STK32C: variants seen among roughly 807,000 people sequenced by gnomAD.
STK32C encodes serine/threonine kinase 32C.
A neutral mutation model predicts 56.5 loss-of-function variants in STK32C; 31 were observed. The ratio of observed to expected loss-of-function variants is 0.55; its 90% CI spans 0.41 to 0.74. The LOEUF is 0.74. Among genes scored for constraint, STK32C ranks in the 30% least tolerant of loss-of-function variants. The pLI, the probability that STK32C is intolerant of heterozygous loss-of-function variation, is 0.00. For synonymous variants in STK32C, 309 were observed against 289.4 expected (o/e 1.07, Z -0.69); for missense variants, 544 against 676.9 (o/e 0.80, Z 2.18).
At chr10:132,258,857 C>T (rs2138050739) in intron 1 of STK32C, among the ~76,000 whole-genome samples, 1 of 152,382 alleles carries the variant, frequency 6.6e-6, no homozygotes, top group African/African-American at 2.4e-5. Context: ...CAGGGCATGG[C>T]CTCTTCCACA....
chr10:132,242,652 C>T (rs961839177), intron 2 of STK32C, among the ~76,000 whole-genome samples: 4 of 152,178 alleles, frequency 2.6e-5, no homozygotes, highest in Non-Finnish European at 2.9e-5. Flanking sequence ...GCCCCCCATG[C>T]GGCCCCCCGC....
chr10:132,287,067 A>G (rs1399242993), intron 1 of STK32C, among the ~76,000 whole-genome samples: 1 of 152,258 alleles, frequency 6.6e-6, no homozygotes, highest in African/African-American at 2.4e-5. Flanking sequence ...TTTAAAAAAC[A>G]TAAAATATGT....
chr10:132,290,661 A>C (rs1249383117), intron 1 of STK32C, among the ~76,000 whole-genome samples: 1 of 152,232 alleles, frequency 6.6e-6, no homozygotes. Flanking sequence ...GCCAGTGTCC[A>C]GCATGCTGTG....
At chr10:132,291,126 A>G (rs1207641731) in intron 1 of STK32C, among the ~76,000 whole-genome samples, 1 of 152,262 alleles carries the variant, frequency 6.6e-6, no homozygotes, top group Non-Finnish European at 1.5e-5. Flanking sequence ...AAACCACCGG[A>G]GGGCAAATGT....
intron 1 of STK32C, among the ~76,000 whole-genome samples, chr10:132,304,518 C>G (rs571662218): frequency 6.6e-6 from 1 of 152,280 alleles, no homozygotes; most frequent in East Asian, 1.9e-4. Flanking sequence ...AAGCACCTTA[C>G]GGCAAATTGG....
intron 2 of STK32C, among the ~76,000 whole-genome samples, chr10:132,243,815 C>T (rs980868121): frequency 3.9e-5 from 6 of 152,162 alleles, no homozygotes; most frequent in South Asian, 2.1e-4. Flanking sequence ...CTAAATGCTG[C>T]GCCGCCCTGA....
Position 132,225,541 on chromosome 10 carries a change from G to C in STK32C, c.758C>G (p.Thr253Ser). 6.2e-7 allele frequency: 1 copy of C among 1,613,866 alleles called. No individual in the cohort carries two copies. The highest frequency in any genetic ancestry group is 8.5e-7 in the Non-Finnish European group (1 of 1,180,022). ...DGERATALAG[T>S]KPYMAPEIFH... Reference sequence around the variant, plus strand: ...CTCGGGCTCACCCATGTACGGCTTGGTGCCTGCTAATGCCGTCGCCCGCTC... The same window carrying C: ...CTCGGGCTCACCCATGTACGGCTTGCTGCCTGCTAATGCCGTCGCCCGCTC... Residue 253 changes from threonine (T) to serine (S), a missense_variant, in exon 6 of 12, where the codon ACC (threonine) becomes AGC (serine). Physicochemically the swap from Thr to Ser is moderately conservative, Grantham distance 58. Transcript: ENST00000298630.
chr10:132,283,343 C>T (rs932261420), intron 1 of STK32C, among the ~76,000 whole-genome samples: 4 of 152,238 alleles, frequency 2.6e-5, no homozygotes, highest in African/African-American at 9.6e-5. Flanking sequence ...GAAATCTGAG[C>T]GGAGCAAACA....
At chr10:132,310,994 C>T (rs1417779153), upstream of STK32C, among the ~76,000 whole-genome samples, 1 of 152,148 alleles carries the variant, frequency 6.6e-6, no homozygotes, top group Non-Finnish European at 1.5e-5. This position sits in a 1 kb window ranked among gnomAD's most constrained non-coding sequence, Gnocchi z 4.6. Context: ...AAGTGAGTGG[C>T]CGTGGCATGT....
chr10:132,287,045 T>C (rs1360253173), intron 1 of STK32C, among the ~76,000 whole-genome samples: 1 of 152,194 alleles, frequency 6.6e-6, no homozygotes, highest in Non-Finnish European at 1.5e-5. Flanking sequence ...ATATAAGCAA[T>C]AGATTTCATT....
chr10:132,208,497 C>G (rs1440155283), intron 11 of STK32C, among the ~76,000 whole-genome samples: 1 of 152,200 alleles, frequency 6.6e-6, no homozygotes, highest in South Asian at 2.1e-4. Context: ...GTGCCCTCAG[C>G]CGTCTGCACG....
At chr10:132,267,149 G>A (rs928230660) in intron 1 of STK32C, among the ~76,000 whole-genome samples, 5 of 151,954 alleles carry the variant, frequency 3.3e-5, no homozygotes, top group African/African-American at 1.2e-4. Flanking sequence ...GTGACACGTG[G>A]GCCCTGGGCT....
At chr10:132,322,507 A>G (rs1462605913), downstream of STK32C, among the ~76,000 whole-genome samples, 1 of 152,242 alleles carries the variant, frequency 6.6e-6, no homozygotes, top group Non-Finnish European at 1.5e-5. Context: ...AGAACAAAGT[A>G]AAATTCACTG....
intron 1 of STK32C, among the ~76,000 whole-genome samples, chr10:132,258,520 G>A (rs1029744850): frequency 6.6e-6 from 1 of 152,186 alleles, no homozygotes; most frequent in African/African-American, 2.4e-5. Flanking sequence ...CTAGGCCAGC[G>A]CGTTCTCCTG....
chr10:132,296,730 C>A (rs552168391), intron 1 of STK32C, among the ~76,000 whole-genome samples: 69 of 152,318 alleles, frequency 4.5e-4, no homozygotes, highest in African/African-American at 1.5e-3. Flanking sequence ...GGCAACCACA[C>A]AATTGATCAT....
chr10:132,330,252 C>G (rs922477678), intron 1 of STK32C: 34 of 561,744 alleles, frequency 6.1e-5, no homozygotes, highest in Middle Eastern at 3.9e-4. Flanking sequence ...AAACAAAAAC[C>G]TGAGGCAACA....
chr10:132,303,687 G>T (rs1475017459), intron 1 of STK32C, among the ~76,000 whole-genome samples: 1 of 152,204 alleles, frequency 6.6e-6, no homozygotes, highest in Non-Finnish European at 1.5e-5. Context: ...AAAAGATGAT[G>T]AACCTCATTG....
At chr10:132,250,924 C>T (rs567212396) in intron 1 of STK32C, among the ~76,000 whole-genome samples, 44 of 152,230 alleles carry the variant, frequency 2.9e-4, no homozygotes, top group Non-Finnish European at 5.1e-4. Flanking sequence ...GCCACCTCCA[C>T]GCCCACCTCC....
At chr10:132,284,116 C>T (rs1352615339) in intron 1 of STK32C, among the ~76,000 whole-genome samples, 1 of 151,774 alleles carries the variant, frequency 6.6e-6, no homozygotes, top group Non-Finnish European at 1.5e-5. Flanking sequence ...TGAAAGGGCA[C>T]GTGGACCACA....
Sources: allele counts gnomAD v4.1 joint callset (sites outside exome capture counted in the v4.1 genomes callset), GRCh38; gene constraint gnomAD v4.1.1; non-coding constraint Gnocchi (gnomAD v3.1); transcripts MANE v1.5; gene names NCBI Gene and HGNC (gene_info 2026-07-23, HGNC 2026-07-21).